DNAH8: variants seen among roughly 807,000 people sequenced by gnomAD.
DNAH8 encodes the protein dynein axonemal heavy chain 8.
A neutral mutation model predicts 562.1 loss-of-function variants in DNAH8; 382 were observed. That is an observed-to-expected ratio of 0.68 (90% confidence interval 0.63 to 0.74). The LOEUF is 0.74. DNAH8 is among the 30% of genes least tolerant of loss of function. The pLI, the probability that DNAH8 is intolerant of heterozygous loss-of-function variation, is 0.00. For synonymous variants in DNAH8, 1,881 were observed against 1,919.4 expected (o/e 0.98, Z 0.52); for missense variants, 5,203 against 5,620.4 (o/e 0.93, Z 2.37).
intron 59 of DNAH8, 82 bp downstream of exon 59, chr6:38,894,946 G>C (rs929031108): frequency 7.2e-7 from 1 of 1,386,206 alleles, no homozygotes; most frequent in Non-Finnish European, 9.6e-7. Context: ...TTTTATTTTT[G>C]AGATGGAGTT....
chr6:38,746,520 A>T (rs975241129), intron 8 of DNAH8, among the ~76,000 whole-genome samples: 1 of 151,628 alleles, frequency 6.6e-6, no homozygotes, highest in African/African-American at 2.4e-5. Flanking sequence ...TTGTATTTTA[A>T]TTTTTTTTTA....
At chr6:38,982,266 C>G (rs950017551) in intron 85 of DNAH8, 80 bp from the exon 86 acceptor site, 2 of 659,698 alleles carry the variant, frequency 3.0e-6, no homozygotes, top group Admixed American at 4.4e-5. Flanking sequence ...GATAATATAG[C>G]CTTAATTTTA....
chr6:38,884,886 T>A (rs1778802411), intron 56 of DNAH8, among the ~76,000 whole-genome samples: 1 of 152,122 alleles, frequency 6.6e-6, no homozygotes. Flanking sequence ...TTGCCAGAAG[T>A]CCGCATGCTC....
At chr6:38,844,496 C>G (rs1490214162) in intron 35 of DNAH8, among the ~76,000 whole-genome samples, 1 of 152,120 alleles carries the variant, frequency 6.6e-6, no homozygotes, top group East Asian at 1.9e-4. Flanking sequence ...CATTTTTGTC[C>G]TATTTGTAAA....
intron 75 of DNAH8, chr6:38,931,226 G>A (rs1234185660): frequency 2.0e-5 from 3 of 152,084 alleles, no homozygotes; most frequent in Non-Finnish European, 2.9e-5. Flanking sequence ...ATTGCCACCT[G>A]ATTTTTAGAT....
intron 17 of DNAH8, among the ~76,000 whole-genome samples, chr6:38,786,367 G>C (rs991679501): frequency 2.0e-5 from 3 of 152,192 alleles, no homozygotes. Context: ...TGGGGTCTGA[G>C]TGGGAAAGAG....
chr6:38,910,974 A>G (rs1162809808), intron 65 of DNAH8, among the ~76,000 whole-genome samples: 1 of 152,240 alleles, frequency 6.6e-6, no homozygotes. Context: ...AGGCCAATCC[A>G]GTGAACTTGG....
Position 39,027,721 on chromosome 6 carries a change from G to A in DNAH8, c.13836+1054G>A, listed in dbSNP as rs187103642. On this transcript the variant is annotated intron_variant, in intron 92 of 92. Transcript: ENST00000327475. ...AGGCTGTAATGTCCCAGCTACTTGGGAGGCTGAGGTGGGAAGATTGCTTGA... is the reference window on the plus strand; with the variant it reads ...AGGCTGTAATGTCCCAGCTACTTGGAAGGCTGAGGTGGGAAGATTGCTTGA... Among the ~76,000 whole-genome samples, 399 of 152,300 alleles carry A rather than the reference G, an allele frequency of 2.6e-3. 2 individuals are homozygous for A. The highest frequency in any genetic ancestry group is 8.7e-3 in the African/African-American group (363 of 41,562).
At chr6:38,840,313 A>G (rs1774673140) in intron 33 of DNAH8, among the ~76,000 whole-genome samples, 1 of 152,212 alleles carries the variant, frequency 6.6e-6, no homozygotes, top group Non-Finnish European at 1.5e-5. Flanking sequence ...TTACTTTTAG[A>G]TTTGAATGAT....
In DNAH8 at chr6:38,921,534, A is replaced by G. The variant is rs201451455; in HGVS notation, c.10662+28A>G. ...GAGATTAAACATAAAAAATCCCCAAAATGGTGTACTGAAACTTTACACAAG... is the reference window on the plus strand; with the variant it reads ...GAGATTAAACATAAAAAATCCCCAAGATGGTGTACTGAAACTTTACACAAG... On this transcript the variant is annotated intron_variant, in intron 71 of 92. Coordinates refer to ENST00000327475, the MANE Select transcript of DNAH8 (RefSeq NM_001206927.2). 1.1e-5 allele frequency: 18 copies of G among 1,604,328 alleles called. No homozygotes were observed. The East Asian group carries it at 3.4e-4, about 30-fold the overall frequency.
At chr6:38,981,773 C>A (rs887652879) in intron 85 of DNAH8, among the ~76,000 whole-genome samples, 1 of 152,108 alleles carries the variant, frequency 6.6e-6, no homozygotes, top group African/African-American at 2.4e-5. Context: ...GAGACCTAGA[C>A]TTTTTTTAAA....
chr6:38,784,005 G>T (rs1768903409), intron 17 of DNAH8, among the ~76,000 whole-genome samples: 1 of 152,174 alleles, frequency 6.6e-6, no homozygotes, highest in Admixed American at 6.5e-5. Context: ...CTTGGTTCCA[G>T]AACTCATGTA....
intron 17 of DNAH8, among the ~76,000 whole-genome samples, chr6:38,783,963 G>A (rs949690427): frequency 6.6e-6 from 1 of 152,174 alleles, no homozygotes; most frequent in Non-Finnish European, 1.5e-5. Context: ...TTGCTGGAAC[G>A]GTGGTGAGAG....
intron 16 of DNAH8, 86 bp from the exon 17 acceptor site, chr6:38,782,918 T>A: frequency 8.2e-7 from 1 of 1,222,704 alleles, no homozygotes; most frequent in Admixed American, 2.2e-5. Context: ...TTATTTGATA[T>A]CATTTTACAT....
intron 12 of DNAH8, among the ~76,000 whole-genome samples, chr6:38,772,842 ATGGGGTCCTGTTTGTGT>A (rs1279409310): frequency 6.7e-6 from 1 of 148,422 alleles, no homozygotes; most frequent in African/African-American, 2.4e-5. Flanking sequence ...AAAAATTGAG[ATGGGGTCCTGTTTGTGT>A]TACTCAGGCT....
chr6:39,008,140 T>A (rs191992128), intron 88 of DNAH8, among the ~76,000 whole-genome samples: 1 of 152,082 alleles, frequency 6.6e-6, no homozygotes, highest in Admixed American at 6.6e-5. Flanking sequence ...TAGAATGGGA[T>A]TATCTAATAT....
rs184785556 is a variant in DNAH8 at position 39,029,778 on chromosome 6, C to A, written c.13837-327C>A. ...TCCATGCTCCCACCTTCCACCAACT[C>A]AAACCAGACCTCTCAGAGACTTTCA... On this transcript the variant is annotated intron_variant, in intron 92 of 92. Transcript: ENST00000327475. 3.4e-3 allele frequency among the ~76,000 whole-genome samples: 520 copies of A among 152,322 alleles called. 8 individuals are homozygous for A. The highest frequency in any genetic ancestry group is 0.012 in the African/African-American group (478 of 41,560).
intron 45 of DNAH8, among the ~76,000 whole-genome samples, chr6:38,864,409 A>G (rs1776884418): frequency 6.6e-6 from 1 of 152,176 alleles, no homozygotes; most frequent in Non-Finnish European, 1.5e-5. Flanking sequence ...AACAATCCCT[A>G]AATCTTAATT....
chr6:38,915,166 T>A lies in DNAH8; in HGVS notation c.9964-35T>A, dbSNP rs9296267. 0.088 allele frequency: 136,832 copies of A among 1,555,502 alleles called. 12,099 individuals are homozygous for A. Among genetic ancestry groups the A allele is most frequent in the African/African-American group, 0.47 (33,691 of 71,240 alleles). On this transcript the variant is annotated intron_variant, in intron 67 of 92. Coordinates refer to ENST00000327475, the MANE Select transcript of DNAH8 (RefSeq NM_001206927.2). ...ATCTATAAATTTTGCTTGAAAGGTT[T>A]CTATTGGCTTTCATGTGTTTCCTCA...
Sources: allele counts gnomAD v4.1 joint callset (sites outside exome capture counted in the v4.1 genomes callset), GRCh38; gene constraint gnomAD v4.1.1; transcripts MANE v1.5; gene names NCBI Gene and HGNC (gene_info 2026-07-23, HGNC 2026-07-21).